Variants in BMAL2 observed in about 807,000 individuals in gnomAD.
BMAL2 encodes basic helix-loop-helix ARNT-like protein 2.
the BMAL2 span, among the ~76,000 whole-genome samples, chr12:27,413,917 C>T: frequency 6.6e-6 from 1 of 152,052 alleles, no homozygotes; most frequent in African/African-American, 2.4e-5. Context: ...ACCGGTAGTA[C>T]CAGCCATTTG....
At chr12:27,416,267 G>A in the BMAL2 span, among the ~76,000 whole-genome samples, 399 of 152,206 alleles carry the variant, frequency 2.6e-3, 17 homozygotes, top group East Asian at 0.058. Flanking sequence ...AGAATTAAGA[G>A]CTTAAATACA....
chr12:27,360,052 A>T, the BMAL2 span, among the ~76,000 whole-genome samples: 1 of 17,772 alleles, frequency 5.6e-5, no homozygotes, highest in Non-Finnish European at 1.1e-4. Context: ...GACCCTATTT[A>T]AAAAAAAAAA....
At chr12:27,373,102 C>T in the BMAL2 span, among the ~76,000 whole-genome samples, 2 of 152,138 alleles carry the variant, frequency 1.3e-5, no homozygotes, top group Non-Finnish European at 2.9e-5. Context: ...ACCCAGCAGG[C>T]AGAGAGAACA....
At chr12:27,351,730 G>A in the BMAL2 span, among the ~76,000 whole-genome samples, 2 of 152,136 alleles carry the variant, frequency 1.3e-5, no homozygotes, top group Non-Finnish European at 2.9e-5. Flanking sequence ...CTTGCCCTCA[G>A]TTCTCTCTCT....
At chr12:27,369,740 C>T in the BMAL2 span, among the ~76,000 whole-genome samples, 8 of 152,300 alleles carry the variant, frequency 5.3e-5, no homozygotes, top group East Asian at 1.3e-3. Flanking sequence ...AGCCCAGCTT[C>T]ATGCCACATG....
the BMAL2 span, among the ~76,000 whole-genome samples, chr12:27,350,596 T>C: frequency 6.6e-6 from 1 of 152,226 alleles, no homozygotes; most frequent in Non-Finnish European, 1.5e-5. Flanking sequence ...GCTGTGTACA[T>C]GGCTCTTGGA....
chr12:27,366,930 G>C, the BMAL2 span, among the ~76,000 whole-genome samples: 2 of 152,172 alleles, frequency 1.3e-5, no homozygotes, highest in Admixed American at 1.3e-4. Context: ...ACATAAATCT[G>C]ATGACAGTCG....
At chr12:27,349,748 ACT>A in the BMAL2 span, among the ~76,000 whole-genome samples, 2 of 152,110 alleles carry the variant, frequency 1.3e-5, no homozygotes, top group Non-Finnish European at 2.9e-5. Flanking sequence ...TCTTATAAAC[ACT>A]CTATGAGGTA....
the BMAL2 span, chr12:27,424,883 T>C: frequency 6.6e-6 from 1 of 152,364 alleles, no homozygotes; most frequent in East Asian, 1.9e-4. Flanking sequence ...ATGAGAGGCA[T>C]TTATGATTTT....
the BMAL2 span, chr12:27,424,644 A>C: frequency 6.6e-6 from 1 of 152,224 alleles, no homozygotes; most frequent in Non-Finnish European, 1.5e-5. Context: ...AGTAGTGTCC[A>C]GTTTCAGATC....
At chr12:27,388,623 G>C in the BMAL2 span, among the ~76,000 whole-genome samples, 1 of 152,094 alleles carries the variant, frequency 6.6e-6, no homozygotes, top group East Asian at 1.9e-4. Flanking sequence ...GAGTGGCCAA[G>C]GGATAGGGAA....
chr12:27,364,337 C>T, the BMAL2 span, among the ~76,000 whole-genome samples: 1 of 152,156 alleles, frequency 6.6e-6, no homozygotes, highest in South Asian at 2.1e-4. Context: ...TCAAATCCAA[C>T]TGGATTTGTT....
At chr12:27,383,692 C>CTG in the BMAL2 span, among the ~76,000 whole-genome samples, 1 of 152,206 alleles carries the variant, frequency 6.6e-6, no homozygotes, top group Admixed American at 6.5e-5. Context: ...CTGCTGTTCC[C>CTG]TGACCTAGCA....
the BMAL2 span, chr12:27,389,864 G>T: frequency 2.8e-6 from 1 of 362,730 alleles, no homozygotes; most frequent in Non-Finnish European, 4.9e-6. Flanking sequence ...CCCATTTGAG[G>T]AAAAAAGAAA....
chr12:27,402,645 C>A, the BMAL2 span: 1 of 1,612,666 alleles, frequency 6.2e-7, no homozygotes, highest in Admixed American at 1.7e-5. Flanking sequence ...GGAGAAGCAT[C>A]ATTTTTACCT....
the BMAL2 span, among the ~76,000 whole-genome samples, chr12:27,382,725 A>G: frequency 6.6e-6 from 1 of 152,192 alleles, no homozygotes; most frequent in South Asian, 2.1e-4. Flanking sequence ...AGATCAACAG[A>G]GGGCTGCCTG....
At chr12:27,425,166 G>C in the BMAL2 span, 12 of 151,766 alleles carry the variant, frequency 7.9e-5, no homozygotes, top group African/African-American at 2.9e-4. Context: ...CAGTTCACTT[G>C]TGCTCGTCTG....
At chr12:27,376,343 TAG>T in the BMAL2 span, 1 of 1,613,076 alleles carries the variant, frequency 6.2e-7, no homozygotes, top group Non-Finnish European at 8.5e-7. Flanking sequence ...TGCTTTTTTG[TAG>T]AGTGGAAGAT....
At chr12:27,401,172 C>T in the BMAL2 span, 49 of 1,080,016 alleles carry the variant, frequency 4.5e-5, no homozygotes, top group Admixed American at 2.4e-4. Flanking sequence ...CACTTCTTTA[C>T]GATCCTGACC....
Sources: allele counts gnomAD v4.1 joint callset (sites outside exome capture counted in the v4.1 genomes callset), GRCh38; gene constraint gnomAD v4.1.1; transcripts MANE v1.5; gene names NCBI Gene and HGNC (gene_info 2026-07-23, HGNC 2026-07-21).